SNCG: variants seen among roughly 807,000 people sequenced by gnomAD.
SNCG encodes gamma-synuclein.
A neutral mutation model predicts 16.0 loss-of-function variants in SNCG; 13 were observed. The ratio of observed to expected loss-of-function variants is 0.81; its 90% CI spans 0.53 to 1.29. The LOEUF is 1.29. Among genes scored for constraint, SNCG ranks in the 50% most tolerant of loss-of-function variants. SNCG has a pLI of 0.00. For missense variants in SNCG, 154 were observed against 168.5 expected (o/e 0.91, Z 0.48); for synonymous variants, 66 against 66.3 (o/e 1.00, Z 0.02).
At position 86,958,780 on chromosome 10, in the gene SNCG, A is replaced by G. The variant is rs1417164438; in HGVS notation, c.83A>G (p.Glu28Gly). 3 of 1,613,212 alleles carry G rather than the reference A, an allele frequency of 1.9e-6. No homozygotes were observed. The highest frequency in any genetic ancestry group is 8.5e-7 in the Non-Finnish European group (1 of 1,179,566). ...GAAAAGACCAAGCAGGGGGTGACGG[A>G]AGCAGCTGAGAAGACCAAGGAGGGG... ...AVEKTKQGVT[E>G]AAEKTKEGVM... The change falls in exon 1 of 5, where the codon GAA becomes GGA. Residue 28 changes from glutamate (E) to glycine (G), a missense_variant. Glu to Gly is a moderately conservative substitution (Grantham distance 98, BLOSUM62 -2). Transcript: ENST00000372017.
At position 86,962,591 on chromosome 10, in the gene SNCG, T is replaced by C. The variant is rs376034983; in HGVS notation, c.292-13T>C. The stretch of plus-strand genomic sequence containing the variant: ...TCTCCACATGGTCTCATGCCCCCTT[T>C]TGTCCCCTACAGGAGGACTTGAGGC... On this transcript the variant is annotated splice_polypyrimidine_tract_variant and intron_variant, in intron 3 of 4. Coordinates refer to ENST00000372017, the MANE Select transcript of SNCG (RefSeq NM_003087.3). 189 of 1,603,996 alleles carry C rather than the reference T, an allele frequency of 1.2e-4. No homozygotes were observed. Among genetic ancestry groups the C allele is most frequent in the South Asian group, 5.8e-4 (52 of 89,656 alleles).
At position 86,959,584 on chromosome 10, in the gene SNCG, C is replaced by T; in HGVS notation, c.122-49C>T. The T allele has an allele frequency of 1.3e-6, 2 of 1,585,986 alleles. No homozygotes were observed. The highest frequency in any genetic ancestry group is 1.7e-6 in the Non-Finnish European group (2 of 1,154,800). On this transcript the variant is annotated intron_variant, in intron 1 of 4. Coordinates refer to ENST00000372017, the MANE Select transcript of SNCG (RefSeq NM_003087.3). The surrounding 1 kb of genome is among the most constrained non-coding windows in gnomAD (Gnocchi z 4.3). The stretch of plus-strand genomic sequence containing the variant: ...TTCTGTTGTGTTTGTCCTGACCGCC[C>T]CCAACACCTCGAGGGAGGTCTGGGC...
intron 4 of SNCG, 80 bp from the exon 5 acceptor site, chr10:86,962,885 A>C: frequency 6.6e-7 from 1 of 1,507,798 alleles, no homozygotes; most frequent in African/African-American, 1.4e-5. Flanking sequence ...GGCACAGAAG[A>C]CAACTTTTCT....
chr10:86,958,553 T>C (rs1844276883), upstream of SNCG: 5 of 1,216,146 alleles, frequency 4.1e-6, no homozygotes, highest in African/African-American at 4.8e-5. Context: ...GGGCTCCAGC[T>C]GGCCTCCGCA....
chr10:86,959,543 A>G lies in SNCG; in HGVS notation c.122-90A>G. On this transcript the variant is annotated intron_variant, in intron 1 of 4. Transcript: ENST00000372017. The surrounding 1 kb of genome is among the most constrained non-coding windows in gnomAD (Gnocchi z 4.3). ...CCATCCTTACCCCCCCACCGACCCC[A>G]CAGTTTGTCCAGCTGTTCTGTTGTG... The G allele has an allele frequency of 2.9e-6, 3 of 1,037,806 alleles. No individual in the cohort carries two copies. The highest frequency in any genetic ancestry group is 4.3e-6 in the Non-Finnish European group (3 of 692,554). 64.3% of individuals were successfully genotyped at this position (1,037,806 alleles called of 1,614,324 possible).
upstream of SNCG, chr10:86,958,501 T>TACCAAC: frequency 3.1e-6 from 2 of 644,752 alleles, no homozygotes; most frequent in Non-Finnish European, 4.4e-6. Context: ...CCTCCTTCCC[T>TACCAAC]CCCTCCCTCC....
chr10:86,963,215 AT>A lies in SNCG; in HGVS notation c.*240del, dbSNP rs905287216. On this transcript the variant is annotated 3_prime_UTR_variant, in exon 5 of 5. Coordinates refer to ENST00000372017, the MANE Select transcript of SNCG (RefSeq NM_003087.3). ...TCTGACCCCACTTATGCTGCTGTGA[AT>A]TTTTTTTTTAAATGATTCCAAATAA... is the stretch of plus-strand genomic sequence containing the variant. 1,086 of 397,198 alleles carry A rather than the reference AT, an allele frequency of 2.7e-3. No individual in the cohort carries two copies. The highest frequency in any genetic ancestry group is 5.1e-3 in the South Asian group (63 of 12,366). The allele number at this position is 397,198 out of a possible 1,614,324, so 24.6% of individuals were successfully genotyped here.
Position 86,959,075 on chromosome 10 carries a change from AC to A in SNCG, c.121+258del, listed in dbSNP as rs1844291363. Among the ~76,000 whole-genome samples, 1 of 152,114 alleles carries A rather than the reference AC, an allele frequency of 6.6e-6. No homozygotes were observed. The highest frequency in any genetic ancestry group is 1.5e-5 in the Non-Finnish European group (1 of 67,994). ...GCTGGCTACCTGTCTGTGCACGCAC[AC>A]ACACATTCCCAAGCATACCAGCCTC... On this transcript the variant is annotated intron_variant, in intron 1 of 4. Coordinates refer to ENST00000372017, the MANE Select transcript of SNCG (RefSeq NM_003087.3). The surrounding 1 kb of genome is among the most constrained non-coding windows in gnomAD (Gnocchi z 4.3).
chr10:86,957,366 AG>A, upstream of SNCG: 1 of 1,612,504 alleles, frequency 6.2e-7, no homozygotes. Flanking sequence ...GCCAAGGTCC[AG>A]GCCCTCTTAC....
At chr10:86,957,260 G>A, upstream of SNCG, 2 of 1,050,270 alleles carry the variant, frequency 1.9e-6, no homozygotes, top group Non-Finnish European at 2.9e-6. Context: ...CCCAGAGATA[G>A]ATACTATTAG....
intron 3 of SNCG, among the ~76,000 whole-genome samples, chr10:86,961,865 C>CA (rs1276429978): frequency 6.2e-5 from 8 of 128,520 alleles, no homozygotes; most frequent in African/African-American, 1.4e-4. Context: ...AGTATCCCCG[C>CA]CTCCCCCCCG....
At position 86,958,620 on chromosome 10, in the gene SNCG, C is replaced by G. The variant is rs1844278813; in HGVS notation, c.-78C>G. 1.9e-6 allele frequency: 3 copies of G among 1,594,448 alleles called. No individual in the cohort carries two copies. In the South Asian group the frequency reaches 3.4e-5, roughly 18 times the overall value. ...CGGGGACAGCCGCTGCGGCAGCACTCGAGCCAGCTCAAGCCCGCAGCTCGC... is the reference window on the plus strand; with the variant it reads ...CGGGGACAGCCGCTGCGGCAGCACTGGAGCCAGCTCAAGCCCGCAGCTCGC... On this transcript the variant is annotated 5_prime_UTR_variant, in exon 1 of 5. Coordinates refer to ENST00000372017, the MANE Select transcript of SNCG (RefSeq NM_003087.3).
At chr10:86,961,462 T>C (rs962888222) in intron 3 of SNCG, among the ~76,000 whole-genome samples, 4 of 152,046 alleles carry the variant, frequency 2.6e-5, no homozygotes, top group Non-Finnish European at 4.4e-5. Flanking sequence ...ATCATCATCA[T>C]GTGTCCCAGG....
intron 3 of SNCG, among the ~76,000 whole-genome samples, chr10:86,962,386 C>T (rs1021601511): frequency 3.3e-5 from 5 of 152,260 alleles, no homozygotes; most frequent in South Asian, 2.1e-4. Flanking sequence ...AGCTGGGCTC[C>T]AGGGTACTTG....
chr10:86,962,513 T>C lies in SNCG; in HGVS notation c.292-91T>C, dbSNP rs1021674815. ...GCCACGAGGGGCCTCTGCTCCTCCT[T>C]GAGGCCAGGGTAGACAAGGCCCTGG... On this transcript the variant is annotated intron_variant, in intron 3 of 4. Coordinates refer to ENST00000372017, the MANE Select transcript of SNCG (RefSeq NM_003087.3). 23 of 908,382 alleles carry C rather than the reference T, an allele frequency of 2.5e-5. No homozygotes were observed. The Admixed American group carries it at 5.4e-4, about 21-fold the overall frequency. 56.3% of individuals were successfully genotyped at this position (908,382 alleles called of 1,614,324 possible).
upstream of SNCG, chr10:86,957,981 A>G (rs1844264673): frequency 8.9e-6 from 9 of 1,015,638 alleles, no homozygotes; most frequent in South Asian, 3.3e-4. Context: ...CAGCACCTTC[A>G]GCACTGGGCG....
chr10:86,959,500 GC>G lies in SNCG; in HGVS notation c.122-131del. ...CAGCAGGAAGAGGCCCTCTGAAGGGGCCGCCGGCCCCCAGACACCATCCTTA... is the reference window on the plus strand; with the variant it reads ...CAGCAGGAAGAGGCCCTCTGAAGGGGCGCCGGCCCCCAGACACCATCCTTA... On this transcript the variant is annotated intron_variant, in intron 1 of 4. Coordinates refer to ENST00000372017, the MANE Select transcript of SNCG (RefSeq NM_003087.3). The surrounding 1 kb of genome is among the most constrained non-coding windows in gnomAD (Gnocchi z 4.3). The G allele has an allele frequency of 1.4e-6, 1 of 737,334 alleles. No individual in the cohort carries two copies. Among genetic ancestry groups the G allele is most frequent in the Non-Finnish European group, 2.4e-6 (1 of 418,446 alleles). The allele number at this position is 737,334 out of a possible 1,614,324, so 45.7% of individuals were successfully genotyped here.
Position 86,960,146 on chromosome 10 carries a change from G to C in SNCG, c.291+18G>C, listed in dbSNP as rs1034864752. 2.5e-6 allele frequency: 4 copies of C among 1,605,674 alleles called. No individual in the cohort carries two copies. The African/African-American group carries it at 5.4e-5, about 21-fold the overall frequency. On this transcript the variant is annotated intron_variant, in intron 3 of 4. Coordinates refer to ENST00000372017, the MANE Select transcript of SNCG (RefSeq NM_003087.3). ...TGCGCAAGGTGAGCCCCGGCCCTCA[G>C]ACCTGCCCAGTCCTCTCCTGGGCCC...
rs555640385 is a variant in SNCG, at chr10:86,958,605, C to A, written c.-93C>A. The A allele has an allele frequency of 6.3e-7, 1 of 1,581,574 alleles. No homozygotes were observed. The highest frequency in any genetic ancestry group is 8.6e-7 in the Non-Finnish European group (1 of 1,166,282). On this transcript the variant is annotated 5_prime_UTR_variant, in exon 1 of 5. Coordinates refer to ENST00000372017, the MANE Select transcript of SNCG (RefSeq NM_003087.3). ...GTCAATAGGAGGCATCGGGGACAGCCGCTGCGGCAGCACTCGAGCCAGCTC... is the reference window on the plus strand; with the variant it reads ...GTCAATAGGAGGCATCGGGGACAGCAGCTGCGGCAGCACTCGAGCCAGCTC...
Sources: gnomAD v4.1 joint callset for allele counts (sites outside exome capture counted in the v4.1 genomes callset) on GRCh38, gnomAD v4.1.1 for gene constraint, Gnocchi (gnomAD v3.1) non-coding constraint, MANE v1.5 for transcripts, NCBI Gene and HGNC (gene_info 2026-07-23, HGNC 2026-07-21) for gene names.